Variants in C12orf56 observed in about 807,000 individuals in gnomAD.
C12orf56 encodes uncharacterized protein C12orf56.
A neutral mutation model predicts 69.9 loss-of-function variants in C12orf56; 71 were observed. The observed-to-expected ratio is 1.02, with a 90% CI of 0.84 to 1.24. C12orf56 has a LOEUF of 1.24. Among genes scored for constraint, C12orf56 ranks in the 50% most tolerant of loss-of-function variants. The pLI, the probability that C12orf56 is intolerant of heterozygous loss-of-function variation, is 0.00. For missense variants in C12orf56, 732 were observed against 738.5 expected (o/e 0.99, Z 0.10); for synonymous variants, 276 against 274.1 (o/e 1.01, Z -0.07).
intron 2 of C12orf56, among the ~76,000 whole-genome samples, chr12:64,351,323 A>C (rs2039219262): frequency 6.6e-6 from 1 of 151,802 alleles, no homozygotes; most frequent in Non-Finnish European, 1.5e-5. Context: ...AGTCTATGCA[A>C]CCCCCTCCCC....
chr12:64,269,988 A>G (rs893943108), intron 12 of C12orf56, among the ~76,000 whole-genome samples: 4 of 152,234 alleles, frequency 2.6e-5, no homozygotes, highest in Non-Finnish European at 5.9e-5. Flanking sequence ...CGTTCTTCAA[A>G]GAGAGTTTGA....
Position 64,266,804 on chromosome 12 carries a change from A to T in C12orf56, c.*379T>A, listed in dbSNP as rs1330076760. 3.5e-6 allele frequency: 1 copy of T among 284,518 alleles called. No individual in the cohort carries two copies. The allele number at this position is 284,518 out of a possible 1,614,324, so 17.6% of individuals were successfully genotyped here. ...AACTATTATCAGGAGAATTTTGAGA[A>T]CCTTCTTGCTTTTGCTGCTAAGGTG... is the stretch of plus-strand genomic sequence containing the variant. On this transcript the variant is annotated 3_prime_UTR_variant, in exon 13 of 13. Transcript: ENST00000543942.
At chr12:64,279,487 T>A (rs1160152685) in intron 8 of C12orf56, among the ~76,000 whole-genome samples, 1 of 152,170 alleles carries the variant, frequency 6.6e-6, no homozygotes, top group Non-Finnish European at 1.5e-5. Context: ...AATTCAAAGA[T>A]AGTACTATAC....
chr12:64,337,631 TGGATCATTTGAGGCCAGC>T (rs1237703191), intron 2 of C12orf56, among the ~76,000 whole-genome samples: 1 of 152,014 alleles, frequency 6.6e-6, no homozygotes, highest in Admixed American at 6.6e-5. Context: ...CTGAGGCAGG[TGGATCATTTGAGGCCAGC>T]AGTTTGAGAC....
At chr12:64,371,900 TTTC>T (rs201374305) in intron 1 of C12orf56, among the ~76,000 whole-genome samples, 5,010 of 145,074 alleles carry the variant, frequency 0.035, 274 homozygotes, top group African/African-American at 0.13. Flanking sequence ...TTGGCAATGA[TTTC>T]TTTTTTTTTT....
intron 5 of C12orf56, among the ~76,000 whole-genome samples, chr12:64,308,925 A>AAAG (rs1221244199): frequency 0.013 from 684 of 54,572 alleles, 5 homozygotes; most frequent in East Asian, 0.041. Context: ...AGAAAGAAAG[A>AAAG]AAGAAAGAAA....
chr12:64,385,017 G>T (rs183254583), intron 1 of C12orf56, among the ~76,000 whole-genome samples: 1 of 148,428 alleles, frequency 6.7e-6, no homozygotes, highest in African/African-American at 2.5e-5. Context: ...TCTTGCCACC[G>T]CACTCCAGCC....
intron 6 of C12orf56, among the ~76,000 whole-genome samples, chr12:64,287,490 C>A (rs1236477228): frequency 1.1e-4 from 8 of 73,004 alleles, no homozygotes; most frequent in Non-Finnish European, 1.7e-4. Flanking sequence ...CAATGCTATC[C>A]CTCCCCCCTC....
chr12:64,386,398 A>ATATATATAT lies in C12orf56; in HGVS notation c.252+3915_252+3916insATATATATA, dbSNP rs752756817. Among the ~76,000 whole-genome samples, 203 of 87,326 alleles carry ATATATATAT rather than the reference A, an allele frequency of 2.3e-3. 1 individual carries two copies. The highest frequency in any genetic ancestry group is 2.9e-3 in the Admixed American group (23 of 7,878). The allele number at this position is 87,326 out of a possible 152,430, so 57.3% of individuals were successfully genotyped here. A position where few individuals can be genotyped will look rare whatever the true frequency, so the allele number is the denominator to read the frequency against. On this transcript the variant is annotated intron_variant, in intron 1 of 12. Coordinates refer to ENST00000543942, the MANE Select transcript of C12orf56 (RefSeq NM_001170633.2). ...CTGGCTAATTTTTATATATATATAT[A>ATATATATAT]TTTTTTTTTTTTTTTGAGACGGAGT...
intron 1 of C12orf56, among the ~76,000 whole-genome samples, chr12:64,381,750 A>T (rs2039721745): frequency 6.6e-6 from 1 of 152,216 alleles, no homozygotes; most frequent in Non-Finnish European, 1.5e-5. Flanking sequence ...AACAGAAAAT[A>T]GGGTCAGAAA....
chr12:64,352,099 GTTTTTTTTTTTT>G (rs55762803), intron 2 of C12orf56, among the ~76,000 whole-genome samples: 1 of 148,682 alleles, frequency 6.7e-6, no homozygotes, highest in East Asian at 1.9e-4. Context: ...TTTTGTTTTT[GTTTTTTTTTTTT>G]TTTTGTTTTT....
chr12:64,302,333 G>A (rs547617300), intron 6 of C12orf56, among the ~76,000 whole-genome samples: 11 of 152,172 alleles, frequency 7.2e-5, no homozygotes, highest in East Asian at 1.9e-4. Flanking sequence ...TGCCTTCACC[G>A]TACTGATTTG....
chr12:64,270,564 T>C lies in C12orf56; in HGVS notation c.1735A>G (p.Ile579Val), dbSNP rs1195773159. ...LRHSRTLAEY[I>V]RNNYREEFRY... Reference sequence around the variant, plus strand: ...AATTCTTCTCTGTAGTTATTCCTAATATACTCAGCTAGAGTCCTGCTGTGC... The same window carrying C: ...AATTCTTCTCTGTAGTTATTCCTAACATACTCAGCTAGAGTCCTGCTGTGC... Residue 579 changes from isoleucine to valine, a missense_variant, in exon 12 of 13, where the codon ATT (isoleucine) becomes GTT (valine). Coordinates refer to ENST00000543942, the MANE Select transcript of C12orf56 (RefSeq NM_001170633.2). 6.2e-7 allele frequency: 1 copy of C among 1,600,362 alleles called. No individual in the cohort carries two copies.
chr12:64,325,888 G>C (rs2038832641), intron 3 of C12orf56, among the ~76,000 whole-genome samples: 2 of 152,096 alleles, frequency 1.3e-5, no homozygotes, highest in Non-Finnish European at 2.9e-5. Context: ...CTGCCCCAAA[G>C]ATCTTTTTTA....
chr12:64,390,569 C>T lies in C12orf56; in HGVS notation c.-4G>A, dbSNP rs772074453. Reference sequence around the variant, plus strand: ...CGGACGGCAAGGGGCTGGCCATGCCCGGCGCCCGCAGCGTGGCGGAGTGCT... The same window carrying T: ...CGGACGGCAAGGGGCTGGCCATGCCTGGCGCCCGCAGCGTGGCGGAGTGCT... On this transcript the variant is annotated 5_prime_UTR_variant, in exon 1 of 13. Coordinates refer to ENST00000543942, the MANE Select transcript of C12orf56 (RefSeq NM_001170633.2). The T allele has an allele frequency of 7.0e-6, 11 of 1,562,226 alleles. No homozygotes were observed. The highest frequency in any genetic ancestry group is 1.8e-5 in the Admixed American group (1 of 55,488).
chr12:64,375,869 T>C (rs1307555864), intron 1 of C12orf56, among the ~76,000 whole-genome samples: 1 of 152,180 alleles, frequency 6.6e-6, no homozygotes, highest in Non-Finnish European at 1.5e-5. Context: ...GTGGATTTTA[T>C]ACTACAATCA....
At chr12:64,320,980 G>C (rs2038765080) in intron 3 of C12orf56, among the ~76,000 whole-genome samples, 1 of 152,142 alleles carries the variant, frequency 6.6e-6, no homozygotes, top group African/African-American at 2.4e-5. Flanking sequence ...GCCTTTCTCT[G>C]CCTATAAAGT....
rs548844868 is a variant in C12orf56, at chr12:64,267,492, C to T, written c.1764-204G>A. 1,763 of 561,982 alleles carry T rather than the reference C, an allele frequency of 3.1e-3. 15 individuals are homozygous for T. The highest frequency in any genetic ancestry group is 4.6e-3 in the Admixed American group (139 of 30,036). 34.8% of individuals were successfully genotyped at this position (561,982 alleles called of 1,614,324 possible). On this transcript the variant is annotated intron_variant, in intron 12 of 12. Coordinates refer to ENST00000543942, the MANE Select transcript of C12orf56 (RefSeq NM_001170633.2). ...GACATGTGGACTGTCCCTCCAATCT[C>T]CCCCATTTGTGACCTAGAAAATCTC... is the stretch of plus-strand genomic sequence containing the variant.
chr12:64,382,543 T>C (rs1158547199), intron 1 of C12orf56, among the ~76,000 whole-genome samples: 2 of 152,068 alleles, frequency 1.3e-5, no homozygotes, highest in East Asian at 3.9e-4. Context: ...TTAATCAGTT[T>C]AAGCCAACAA....
Sources: gnomAD v4.1 joint callset for allele counts (sites outside exome capture counted in the v4.1 genomes callset) on GRCh38, gnomAD v4.1.1 for gene constraint, MANE v1.5 for transcripts, NCBI Gene and HGNC (gene_info 2026-07-23, HGNC 2026-07-21) for gene names.